Variants in TRPC5 observed in about 807,000 individuals in gnomAD.
TRPC5 encodes short transient receptor potential channel 5.
TRPC5 carries 9 observed loss-of-function variants against 56.5 expected under a neutral mutation model. That is an observed-to-expected ratio of 0.16 (90% CI 0.10 to 0.28). TRPC5 has a LOEUF of 0.28. TRPC5 is among the 10% of genes least tolerant of loss of function. The probability of loss-of-function intolerance (pLI) is 1.00; values close to 1 mark genes in which losing one functional copy is unlikely to be tolerated. For synonymous variants in TRPC5, 282 were observed against 278.5 expected (o/e 1.01, Z -0.13); for missense variants, 469 against 748.9 (o/e 0.63, Z 4.36).
At chrX:111,881,146 GTTTAT>G (rs747702186) in intron 3 of TRPC5, among the ~76,000 whole-genome samples, 1,169 of 101,135 alleles carry the variant, frequency 0.012, 15 homozygotes, top group African/African-American at 0.032. Flanking sequence ...ATTTTCTTTT[GTTTAT>G]TTTATTTTAT....
At chrX:111,910,879 C>T (rs753935430) in intron 3 of TRPC5, among the ~76,000 whole-genome samples, 27 of 112,680 alleles carry the variant, frequency 2.4e-4, no homozygotes, top group African/African-American at 8.4e-4. Flanking sequence ...TTTCGCTGTG[C>T]GTAAGTATAT....
At chrX:111,780,302 T>TA (rs1945909824) in intron 9 of TRPC5, among the ~76,000 whole-genome samples, 1 of 110,720 alleles carries the variant, frequency 9.0e-6, no homozygotes, top group Non-Finnish European at 1.9e-5. Flanking sequence ...TTTTTTTTTT[T>TA]AACAAAATAC....
chrX:111,860,718 C>G (rs1211995000), intron 3 of TRPC5, among the ~76,000 whole-genome samples: 2 of 111,910 alleles, frequency 1.8e-5, no homozygotes, highest in Admixed American at 9.5e-5. Context: ...ACATAAGAAC[C>G]TTAGACATTC....
intron 3 of TRPC5, among the ~76,000 whole-genome samples, chrX:111,862,999 G>A (rs1923446988): frequency 8.9e-6 from 1 of 111,796 alleles, no homozygotes. Context: ...CTAGTGTATA[G>A]AAACTGTCAA....
chrX:112,064,300 TACTC>T (rs1310081651), intron 1 of TRPC5, among the ~76,000 whole-genome samples: 1 of 112,036 alleles, frequency 8.9e-6, no homozygotes, highest in Non-Finnish European at 1.9e-5. Flanking sequence ...GAGGATAAAT[TACTC>T]ACCCAAGTTC....
chrX:111,929,077 T>C (rs1432733857), intron 2 of TRPC5, among the ~76,000 whole-genome samples: 4 of 112,060 alleles, frequency 3.6e-5, no homozygotes, highest in Admixed American at 1.9e-4. Context: ...TAATAGGGGA[T>C]AAGAATCTCA....
chrX:111,908,320 G>A, intron 3 of TRPC5, among the ~76,000 whole-genome samples: 1 of 111,487 alleles, frequency 9.0e-6, no homozygotes, highest in African/African-American at 3.3e-5. Flanking sequence ...GATTTCTCAA[G>A]CCTGCCTTTC....
In TRPC5 at chrX:112,004,368, G is replaced by A. The variant is rs749992103; in HGVS notation, c.-21-51927C>T. Among the ~76,000 whole-genome samples the A allele has an allele frequency of 2.7e-5, 3 of 111,928 alleles. No homozygotes were observed. The South Asian group carries it at 1.1e-3, about 42-fold the overall frequency. On this transcript the variant is annotated intron_variant, in intron 1 of 10. Transcript: ENST00000262839. ...AACCTTGAGTGCTTGGAAGTAGGAG[G>A]GTGGCAATTAGGAGGTAATGAAGTG... is the stretch of plus-strand genomic sequence containing the variant.
intron 3 of TRPC5, among the ~76,000 whole-genome samples, chrX:111,897,598 C>T (rs1416060308): frequency 9.0e-6 from 1 of 111,465 alleles, no homozygotes; most frequent in Non-Finnish European, 1.9e-5. Flanking sequence ...GATTATTTTG[C>T]ATTTTCTAAA....
At chrX:111,905,905 T>A (rs199941187) in intron 3 of TRPC5, among the ~76,000 whole-genome samples, 127 of 70,387 alleles carry the variant, frequency 1.8e-3, no homozygotes, top group Non-Finnish European at 2.2e-3. Flanking sequence ...ACAGAGCGAG[T>A]CTCTGTCTCA....
intron 1 of TRPC5, among the ~76,000 whole-genome samples, chrX:111,954,094 G>A (rs1308552356): frequency 5.3e-5 from 6 of 112,263 alleles, no homozygotes; most frequent in African/African-American, 1.6e-4. Flanking sequence ...AGTGAAAGTG[G>A]CTAAACAAAC....
intron 3 of TRPC5, among the ~76,000 whole-genome samples, chrX:111,888,456 C>T (rs1203329369): frequency 9.8e-6 from 1 of 101,718 alleles, no homozygotes; most frequent in Non-Finnish European, 2.0e-5. Context: ...GGGCGGATCA[C>T]GAGGTCAGGA....
chrX:111,935,134 T>G (rs1926530046), intron 2 of TRPC5, among the ~76,000 whole-genome samples: 1 of 112,149 alleles, frequency 8.9e-6, no homozygotes, highest in South Asian at 3.7e-4. Flanking sequence ...CCAGCATTTG[T>G]TACTGCCTTT....
chrX:111,825,142 CCTTCCTTTCTTTCTTTCTTTCTTTCTTT>C (rs1162354827), intron 7 of TRPC5, among the ~76,000 whole-genome samples: 12 of 78,369 alleles, frequency 1.5e-4, no homozygotes, highest in Non-Finnish European at 2.4e-4. Flanking sequence ...TTCCTTCCTT[CCTTCCTTTCTTTCTTTCTTTCTTTCTTT>C]CTTTCTTTCT....
At chrX:111,944,303 T>TGTGTGTGTGTGTGAAAGAGAGAGAGA (rs1173179815) in intron 2 of TRPC5, among the ~76,000 whole-genome samples, 2 of 61,395 alleles carry the variant, frequency 3.3e-5, no homozygotes, top group African/African-American at 2.1e-4. Context: ...TGTGTGTGTG[T>TGTGTGTGTGTGTGAAAGAGAGAGAGA]GAGAGAGAGA....
chrX:112,061,888 G>A (rs1286639818), intron 1 of TRPC5, among the ~76,000 whole-genome samples: 4 of 111,923 alleles, frequency 3.6e-5, no homozygotes, highest in Non-Finnish European at 7.5e-5. Context: ...ACTTATAACT[G>A]GAAGTCATTG....
intron 5 of TRPC5, among the ~76,000 whole-genome samples, chrX:111,848,272 G>A (rs1323445929): frequency 4.5e-5 from 5 of 111,515 alleles, no homozygotes; most frequent in African/African-American, 1.6e-4. Flanking sequence ...GAGTAGCCTT[G>A]TAGAAAGATG....
At chrX:111,847,467 GGGT>G in intron 5 of TRPC5, 31 bp from the exon 6 acceptor site, 1 of 1,145,032 alleles carries the variant, frequency 8.7e-7, no homozygotes, top group Non-Finnish European at 1.2e-6. Flanking sequence ...ACAAGATGAG[GGGT>G]ACAGTGAACA....
intron 1 of TRPC5, among the ~76,000 whole-genome samples, chrX:111,957,313 T>C (rs780311509): frequency 3.6e-5 from 4 of 112,078 alleles, no homozygotes; most frequent in Non-Finnish European, 7.5e-5. Flanking sequence ...AACAGTTCTG[T>C]ATAGTAATAT....
Sources: allele counts gnomAD v4.1 joint callset (sites outside exome capture counted in the v4.1 genomes callset), GRCh38; gene constraint gnomAD v4.1.1; transcripts MANE v1.5; gene names NCBI Gene and HGNC (gene_info 2026-07-23, HGNC 2026-07-21).